CDH13: variants seen among roughly 807,000 people sequenced by gnomAD.
The protein encoded by CDH13 is cadherin 13, also known as cadherin-13.
In CDH13, 24 loss-of-function variants were observed where a neutral mutation model predicts 63.8. The observed-to-expected ratio is 0.38, with a 90% CI of 0.27 to 0.53. CDH13 has a LOEUF of 0.53. Ranked by LOEUF, CDH13 falls within the 20% of genes least tolerant of loss-of-function variation. The pLI is 0.85. For missense variants in CDH13, 1,049 were observed against 903.1 expected (o/e 1.16, Z -2.07); for synonymous variants, 503 against 355.3 (o/e 1.42, Z -4.67).
intron 2 of CDH13, among the ~76,000 whole-genome samples, chr16:82,866,797 A>G (rs1224365992): frequency 6.6e-6 from 1 of 152,168 alleles, no homozygotes; most frequent in Non-Finnish European, 1.5e-5. Context: ...AAGTGCCGAG[A>G]TAAGGGGGAA....
intron 4 of CDH13, among the ~76,000 whole-genome samples, chr16:83,135,128 A>T (rs1044843764): frequency 6.6e-6 from 1 of 152,214 alleles, no homozygotes; most frequent in Admixed American, 6.5e-5. Context: ...ATCTAAGCCA[A>T]ACATGGCTAA....
At chr16:83,323,352 T>C (rs1336938866) in intron 5 of CDH13, among the ~76,000 whole-genome samples, 1 of 150,972 alleles carries the variant, frequency 6.6e-6, no homozygotes, top group Non-Finnish European at 1.5e-5. Context: ...CTTAGTTCAC[T>C]GCAAGCTCTG....
intron 1 of CDH13, chr16:82,824,950 G>T (rs192259219): frequency 6.6e-6 from 1 of 152,156 alleles, no homozygotes; most frequent in East Asian, 1.9e-4. Context: ...ATCTTTTACA[G>T]ATACCTTCTA....
intron 1 of CDH13, among the ~76,000 whole-genome samples, chr16:82,700,425 A>T (rs1273727601): frequency 2.0e-5 from 3 of 152,200 alleles, no homozygotes; most frequent in Non-Finnish European, 2.9e-5. Context: ...GTTACCGTGT[A>T]TGTGTATAAT....
chr16:83,422,508 G>C (rs1344129154), intron 6 of CDH13, among the ~76,000 whole-genome samples: 2 of 152,196 alleles, frequency 1.3e-5, no homozygotes, highest in South Asian at 2.1e-4. Flanking sequence ...AGACAGAAAA[G>C]AGTTTAATTT....
At chr16:83,482,540 C>T (rs541214621) in intron 6 of CDH13, among the ~76,000 whole-genome samples, 32 of 152,280 alleles carry the variant, frequency 2.1e-4, no homozygotes, top group Non-Finnish European at 4.4e-4. Context: ...CAGAGTTCCT[C>T]GGAACCAATT....
intron 1 of CDH13, among the ~76,000 whole-genome samples, chr16:82,791,237 CAAAA>C (rs3046482): frequency 4.9e-4 from 51 of 103,362 alleles, no homozygotes; most frequent in East Asian, 8.3e-4. Flanking sequence ...ACTCCGTCTC[CAAAA>C]AAAAAAAAAA....
chr16:83,318,386 T>A (rs1054882870), intron 5 of CDH13, among the ~76,000 whole-genome samples: 7 of 152,214 alleles, frequency 4.6e-5, no homozygotes, highest in African/African-American at 1.7e-4. Context: ...TTAATTAAAG[T>A]CATTTCTACT....
chr16:83,164,707 C>G (rs1000194658), intron 4 of CDH13, among the ~76,000 whole-genome samples: 1 of 143,838 alleles, frequency 7.0e-6, no homozygotes, highest in Non-Finnish European at 1.5e-5. Context: ...GTGACAAGAG[C>G]GAGACTCTGT....
chr16:83,726,877 G>A (rs1189417295), intron 10 of CDH13, among the ~76,000 whole-genome samples: 13 of 151,276 alleles, frequency 8.6e-5, no homozygotes, highest in Admixed American at 8.5e-4. Flanking sequence ...TTGGCGTTCT[G>A]TCAGTCAAGA....
chr16:83,177,993 G>A (rs1471278578), intron 4 of CDH13, among the ~76,000 whole-genome samples: 1 of 152,158 alleles, frequency 6.6e-6, no homozygotes. Context: ...TGAGTGGGTA[G>A]TAGATGGGCA....
At chr16:82,944,191 A>T (rs1904440439) in intron 2 of CDH13, among the ~76,000 whole-genome samples, 1 of 152,210 alleles carries the variant, frequency 6.6e-6, no homozygotes, top group Admixed American at 6.5e-5. Flanking sequence ...TTTGTCCAGC[A>T]TGATTAACGG....
At chr16:83,165,428 C>T (rs533366590) in intron 4 of CDH13, among the ~76,000 whole-genome samples, 13 of 152,206 alleles carry the variant, frequency 8.5e-5, no homozygotes, top group African/African-American at 3.1e-4. Flanking sequence ...GACCACAGCA[C>T]CCTTTTTATT....
At chr16:82,912,916 C>G (rs1441318326) in intron 2 of CDH13, among the ~76,000 whole-genome samples, 3 of 151,014 alleles carry the variant, frequency 2.0e-5, no homozygotes, top group Non-Finnish European at 2.9e-5. Flanking sequence ...GCACTCCAGC[C>G]TGGGTGACAG....
intron 5 of CDH13, among the ~76,000 whole-genome samples, chr16:83,306,981 A>G (rs1239143831): frequency 6.6e-6 from 1 of 152,246 alleles, no homozygotes; most frequent in Non-Finnish European, 1.5e-5. Context: ...GCCTCTAGAT[A>G]GTAATGCATA....
At chr16:83,760,892 A>T (rs1913913562) in intron 11 of CDH13, among the ~76,000 whole-genome samples, 1 of 152,230 alleles carries the variant, frequency 6.6e-6, no homozygotes, top group African/African-American at 2.4e-5. Flanking sequence ...TGTTCCAAGG[A>T]AGGGCAATCC....
chr16:83,051,006 G>C (rs1487418051), intron 3 of CDH13, among the ~76,000 whole-genome samples: 2 of 152,136 alleles, frequency 1.3e-5, no homozygotes, highest in Non-Finnish European at 2.9e-5. Flanking sequence ...CAACTGGTTT[G>C]AACATCATTT....
At chr16:83,510,006 G>A (rs565890853) in intron 7 of CDH13, among the ~76,000 whole-genome samples, 1 of 152,150 alleles carries the variant, frequency 6.6e-6, no homozygotes. Flanking sequence ...CATTAGCCCT[G>A]CTTTAATGGA....
intron 1 of CDH13, among the ~76,000 whole-genome samples, chr16:82,663,801 C>T (rs1476195046): frequency 2.6e-5 from 4 of 152,116 alleles, no homozygotes; most frequent in Admixed American, 1.3e-4. Context: ...ATCTCTGGTC[C>T]CCTTTGTGAT....
Sources: gnomAD v4.1 joint callset for allele counts (sites outside exome capture counted in the v4.1 genomes callset) on GRCh38, gnomAD v4.1.1 for gene constraint, MANE v1.5 for transcripts, NCBI Gene and HGNC (gene_info 2026-07-23, HGNC 2026-07-21) for gene names.